The following ST3GAL4 variants were observed in gnomAD, a reference collection of about 807,000 sequenced individuals.
ST3GAL4 encodes the protein CMP-N-acetylneuraminate-beta-galactosamide-alpha-2,3-sialyltransferase 4.
ST3GAL4 carries 24 observed loss-of-function variants against 42.6 expected under a neutral mutation model. The ratio of observed to expected loss-of-function variants is 0.56; its 90% CI spans 0.41 to 0.79. The LOEUF (loss-of-function observed/expected upper bound fraction) is 0.79, where lower values mean the gene tolerates loss of function less well. Among genes scored for constraint, ST3GAL4 ranks in the 30% least tolerant of loss-of-function variants. The probability of loss-of-function intolerance (pLI) is 0.00; values close to 1 mark genes in which losing one functional copy is unlikely to be tolerated. For synonymous variants in ST3GAL4, 135 were observed against 163.2 expected (o/e 0.83, Z 1.32); for missense variants, 311 against 430.8 (o/e 0.72, Z 2.46).
rs1591467353 is a variant in ST3GAL4 at position 126,394,127 on chromosome 11, G to A, written c.-60-11969G>A. On this transcript the variant is annotated intron_variant, in intron 1 of 10. Coordinates refer to ENST00000444328, the MANE Select transcript of ST3GAL4 (RefSeq NM_001254757.2). ...CTGGGGTCAGGGGAGGCAGGGCACT[G>A]GCTGTGCTGGAAGCAGGGGATTGGC... Among the ~76,000 whole-genome samples, 5 of 152,252 alleles carry A rather than the reference G, an allele frequency of 3.3e-5. No individual in the cohort carries two copies. The South Asian group carries it at 6.2e-4, about 19-fold the overall frequency.
At chr11:126,394,519 G>A (rs985405358) in intron 1 of ST3GAL4, among the ~76,000 whole-genome samples, 1 of 152,084 alleles carries the variant, frequency 6.6e-6, no homozygotes, top group African/African-American at 2.4e-5. Flanking sequence ...CCACCTCCCG[G>A]GCTCAAGTGA....
intron 1 of ST3GAL4, among the ~76,000 whole-genome samples, chr11:126,356,967 T>C (rs1156472318): frequency 1.3e-5 from 2 of 152,028 alleles, no homozygotes; most frequent in South Asian, 2.1e-4. Context: ...TTTAAATGAG[T>C]TGATATATGC....
Position 126,409,785 on chromosome 11 carries a change from T to G in ST3GAL4, c.771+374T>G, listed in dbSNP as rs1954437462. On this transcript the variant is annotated intron_variant, in intron 9 of 10. Transcript: ENST00000444328. This position sits in a 1 kb window ranked among gnomAD's most constrained non-coding sequence, Gnocchi z 4.9. Reference sequence around the variant, plus strand: ...CTGTTAGATACTTCATCTGTGATCTTATCTTGAAACACTAGTCTGAACGAG... The same window carrying G: ...CTGTTAGATACTTCATCTGTGATCTGATCTTGAAACACTAGTCTGAACGAG... Among the ~76,000 whole-genome samples the G allele has an allele frequency of 6.6e-6, 1 of 152,252 alleles. No individual in the cohort carries two copies.
chr11:126,360,136 C>G (rs745676047), intron 1 of ST3GAL4, among the ~76,000 whole-genome samples: 8 of 152,258 alleles, frequency 5.3e-5, no homozygotes, highest in Non-Finnish European at 1.0e-4. Context: ...CGGCAGCCCT[C>G]CCTGTCTCTT....
Position 126,406,611 on chromosome 11 carries a change from G to A in ST3GAL4, c.101+54G>A. ...GGCTCTTGTCAGGGACAGGGCTTAGGGATGGAGCATCATGGAGCGGGGGAC... is the reference window on the plus strand; with the variant it reads ...GGCTCTTGTCAGGGACAGGGCTTAGAGATGGAGCATCATGGAGCGGGGGAC... On this transcript the variant is annotated intron_variant, in intron 3 of 10. Transcript: ENST00000444328. This position sits in a 1 kb window ranked among gnomAD's most constrained non-coding sequence, Gnocchi z 5.4. 1 of 1,613,032 alleles carries A rather than the reference G, an allele frequency of 6.2e-7. No homozygotes were observed. Among genetic ancestry groups the A allele is most frequent in the Non-Finnish European group, 8.5e-7 (1 of 1,179,512 alleles).
At chr11:126,380,665 ACT>A (rs1952961178) in intron 1 of ST3GAL4, among the ~76,000 whole-genome samples, 1 of 152,048 alleles carries the variant, frequency 6.6e-6, no homozygotes, top group Non-Finnish European at 1.5e-5. Flanking sequence ...AGGTCTGTAA[ACT>A]CTTATTTGGT....
intron 1 of ST3GAL4, among the ~76,000 whole-genome samples, chr11:126,390,015 T>TATAAAAA (rs1953418421): frequency 3.0e-5 from 1 of 33,198 alleles, no homozygotes; most frequent in African/African-American, 1.7e-4. Context: ...CTGCTAAAAA[T>TATAAAAA]ACAAAAAAAA....
At position 126,393,363 on chromosome 11, in the gene ST3GAL4, G is replaced by A. The variant is rs953006167; in HGVS notation, c.-60-12733G>A. ...TGCAGGCACTGGGGCAGGATATCAGGGGGTCCAGAAGAGGTTGGGTTTAGG... is the reference window on the plus strand; with the variant it reads ...TGCAGGCACTGGGGCAGGATATCAGAGGGTCCAGAAGAGGTTGGGTTTAGG... On this transcript the variant is annotated intron_variant, in intron 1 of 10. Transcript: ENST00000444328. This position sits in a 1 kb window ranked among gnomAD's most constrained non-coding sequence, Gnocchi z 5.9. 1 of 152,336 alleles carries A rather than the reference G, an allele frequency of 6.6e-6. No homozygotes were observed. The highest frequency in any genetic ancestry group is 1.5e-5 in the Non-Finnish European group (1 of 68,126). 9.4% of individuals were successfully genotyped at this position (152,336 alleles called of 1,614,324 possible).
At position 126,410,326 on chromosome 11, in the gene ST3GAL4, G is replaced by T. The variant is rs1180268026; in HGVS notation, c.771+915G>T. Among the ~76,000 whole-genome samples the T allele has an allele frequency of 2.6e-5, 4 of 152,222 alleles. No individual in the cohort carries two copies. The highest frequency in any genetic ancestry group is 1.3e-4 in the Admixed American group (2 of 15,284). ...CTGGTGGGCTTTAACCCACTTTGTAGCTTCCCAAGTACTTCCACCCATATC... is the reference window on the plus strand; with the variant it reads ...CTGGTGGGCTTTAACCCACTTTGTATCTTCCCAAGTACTTCCACCCATATC... On this transcript the variant is annotated intron_variant, in intron 9 of 10. Transcript: ENST00000444328. This position sits in a 1 kb window ranked among gnomAD's most constrained non-coding sequence, Gnocchi z 5.3.
At chr11:126,375,809 A>G (rs570672379) in intron 1 of ST3GAL4, among the ~76,000 whole-genome samples, 1 of 151,538 alleles carries the variant, frequency 6.6e-6, no homozygotes, top group African/African-American at 2.4e-5. Context: ...CGCAACAATG[A>G]ACTGTCTGGC....
rs534543272 is a variant in ST3GAL4, at chr11:126,372,431, T to C, written c.-61+16589T>C. Among the ~76,000 whole-genome samples, 61 of 151,964 alleles carry C rather than the reference T, an allele frequency of 4.0e-4. No individual in the cohort carries two copies. The Middle Eastern group carries it at 0.01, about 25-fold the overall frequency. On this transcript the variant is annotated intron_variant, in intron 1 of 10. Transcript: ENST00000444328. ...TTCTTTTCTTTTCTTTTTTTTTTTT[T>C]CTGAGACAGAGTTTCGCTCTTGCTG...
chr11:126,385,476 G>A (rs1379607503), intron 1 of ST3GAL4, among the ~76,000 whole-genome samples: 1 of 152,080 alleles, frequency 6.6e-6, no homozygotes, highest in African/African-American at 2.4e-5. Flanking sequence ...CTGAGCTCCA[G>A]ACAACTCATC....
intron 1 of ST3GAL4, among the ~76,000 whole-genome samples, chr11:126,385,024 G>A (rs930492725): frequency 1.4e-4 from 21 of 152,212 alleles, no homozygotes; most frequent in African/African-American, 4.6e-4. Flanking sequence ...CTGAGGCTGC[G>A]GACATTAAAT....
chr11:126,358,178 C>T (rs1223932438), intron 1 of ST3GAL4, among the ~76,000 whole-genome samples: 2 of 152,260 alleles, frequency 1.3e-5, no homozygotes, highest in Admixed American at 6.5e-5. Context: ...GCAAACAGCC[C>T]CTGCTTCCTG....
chr11:126,408,198 T>C lies in ST3GAL4; in HGVS notation c.437+4T>C. On this transcript the variant is annotated splice_donor_region_variant and intron_variant, in intron 7 of 10. Coordinates refer to ENST00000444328, the MANE Select transcript of ST3GAL4 (RefSeq NM_001254757.2). ...ACAAGTACGATGTGGTCATCAGGTG[T>C]GTGTGACTGTCTCTTCCTACTGTTG... 1.2e-6 allele frequency: 2 copies of C among 1,613,978 alleles called. No individual in the cohort carries two copies. Among genetic ancestry groups the C allele is most frequent in the Non-Finnish European group, 1.7e-6 (2 of 1,179,928 alleles).
At chr11:126,364,450 C>A (rs1952359027) in intron 1 of ST3GAL4, among the ~76,000 whole-genome samples, 1 of 140,804 alleles carries the variant, frequency 7.1e-6, no homozygotes, top group Non-Finnish European at 1.5e-5. Flanking sequence ...CAGCCACCGA[C>A]TTCTGCTTGT....
intron 6 of ST3GAL4, 23 bp from the exon 7 acceptor site, chr11:126,408,076 G>C: frequency 6.2e-7 from 1 of 1,611,982 alleles, no homozygotes; most frequent in Non-Finnish European, 8.5e-7. Flanking sequence ...GGGTGACATA[G>C]ACCACTCCTC....
rs544121255 is a variant in ST3GAL4 at position 126,368,781 on chromosome 11, T to C, written c.-61+12939T>C. Among the ~76,000 whole-genome samples the C allele has an allele frequency of 4.6e-5, 7 of 152,366 alleles. No individual in the cohort carries two copies. In the South Asian group the frequency reaches 1.0e-3, roughly 23 times the overall value. The stretch of plus-strand genomic sequence containing the variant: ...GCTTCCCCTGGGGTGCTTCTGGCGA[T>C]GCCCAGGCCTTTGCACGCTCAGATC... On this transcript the variant is annotated intron_variant, in intron 1 of 10. Coordinates refer to ENST00000444328, the MANE Select transcript of ST3GAL4 (RefSeq NM_001254757.2).
At chr11:126,361,674 T>G (rs1952248915) in intron 1 of ST3GAL4, among the ~76,000 whole-genome samples, 1 of 151,918 alleles carries the variant, frequency 6.6e-6, no homozygotes, top group Non-Finnish European at 1.5e-5. Context: ...TGTGCTGGGG[T>G]GACCCCAGCA....
Sources: allele counts gnomAD v4.1 joint callset (sites outside exome capture counted in the v4.1 genomes callset), GRCh38; gene constraint gnomAD v4.1.1; non-coding constraint Gnocchi (gnomAD v3.1); transcripts MANE v1.5; gene names NCBI Gene and HGNC (gene_info 2026-07-23, HGNC 2026-07-21).